FARP1: variants seen among roughly 807,000 people sequenced by gnomAD.
FARP1 encodes FERM, ARH/RhoGEF and pleckstrin domain protein 1.
FARP1 carries 52 observed loss-of-function variants against 128.8 expected under a neutral mutation model. That is an observed-to-expected ratio of 0.40 (90% CI 0.32 to 0.51). The LOEUF is 0.51. FARP1 is among the 20% of genes least tolerant of loss of function. The pLI is 0.45. For synonymous variants in FARP1, 580 were observed against 551.8 expected (o/e 1.05, Z -0.72); for missense variants, 1,333 against 1,367.9 (o/e 0.97, Z 0.40).
chr13:98,330,448 A>T (rs1288650350), intron 2 of FARP1, among the ~76,000 whole-genome samples: 1 of 152,102 alleles, frequency 6.6e-6, no homozygotes, highest in Non-Finnish European at 1.5e-5. Context: ...AGGCAGAGAA[A>T]TTCAAGGAAA....
intron 1 of FARP1, among the ~76,000 whole-genome samples, chr13:98,149,851 C>T (rs1875857626): frequency 6.7e-6 from 1 of 148,362 alleles, no homozygotes; most frequent in Admixed American, 6.9e-5. Context: ...CATTCTCCTG[C>T]CTCAGCCTCC....
chr13:98,210,952 C>T (rs1193978806), intron 1 of FARP1, among the ~76,000 whole-genome samples: 1 of 152,196 alleles, frequency 6.6e-6, no homozygotes, highest in Non-Finnish European at 1.5e-5. Context: ...ATTTCCATTG[C>T]TGCTGTCCAG....
rs150121211 is a variant in FARP1, at chr13:98,218,627, A to T, written c.171+5214A>T. ...GTACCGTGTGTCTACTGTTAAAGAA[A>T]GCTATGTGATGAGAGTGAAGAAGCA... On this transcript the variant is annotated intron_variant, in intron 2 of 26. Transcript: ENST00000319562. Among the ~76,000 whole-genome samples the T allele has an allele frequency of 4.6e-4, 70 of 152,272 alleles. 1 individual carries two copies. The highest frequency in any genetic ancestry group is 1.5e-3 in the African/African-American group (61 of 41,566).
At position 98,440,843 on chromosome 13, in the gene FARP1, AG is replaced by A; in HGVS notation, c.2796+11del. The A allele has an allele frequency of 6.3e-7, 1 of 1,593,026 alleles. No individual in the cohort carries two copies. Among genetic ancestry groups the A allele is most frequent in the Non-Finnish European group, 8.5e-7 (1 of 1,171,414 alleles). ...CTTCAGCATCGCAGTGGAGGTACGCAGGGGCAGGGCAGCTCTGGTTCCCAGC... is the reference window on the plus strand; with the variant it reads ...CTTCAGCATCGCAGTGGAGGTACGCAGGGCAGGGCAGCTCTGGTTCCCAGC... On this transcript the variant is annotated splice_region_variant and intron_variant, in intron 24 of 26. Transcript: ENST00000319562.
In FARP1 at chr13:98,378,898, TATATATATATA is replaced by T. The variant is rs891210878; in HGVS notation, c.496+999_496+1009del. On this transcript the variant is annotated intron_variant, in intron 6 of 26. Coordinates refer to ENST00000319562, the MANE Select transcript of FARP1 (RefSeq NM_005766.4). ...AGCCTGACCATGTGCCAGCACTATA[TATATATATATA>T]ATATATATATAATATATACAATATA... Among the ~76,000 whole-genome samples, 18 of 113,556 alleles carry T rather than the reference TATATATATATA, an allele frequency of 1.6e-4. 3 individuals are homozygous for T. The highest frequency in any genetic ancestry group is 4.9e-4 in the African/African-American group (14 of 28,762). The allele number at this position is 113,556 out of a possible 152,430, so 74.5% of individuals were successfully genotyped here.
In FARP1 at chr13:98,440,847, G is replaced by T. The variant is rs569580199; in HGVS notation, c.2796+11G>T. On this transcript the variant is annotated intron_variant, in intron 24 of 26. Transcript: ENST00000319562. ...AGCATCGCAGTGGAGGTACGCAGGGGCAGGGCAGCTCTGGTTCCCAGCTTG... is the reference window on the plus strand; with the variant it reads ...AGCATCGCAGTGGAGGTACGCAGGGTCAGGGCAGCTCTGGTTCCCAGCTTG... The T allele has an allele frequency of 2.5e-5, 39 of 1,586,878 alleles. No homozygotes were observed. In the South Asian group the frequency reaches 4.3e-4, roughly 18 times the overall value.
At chr13:98,437,852 A>T in intron 19 of FARP1, 1 of 1,595,944 alleles carries the variant, frequency 6.3e-7, no homozygotes, top group Non-Finnish European at 8.5e-7. Flanking sequence ...CATTGTTATT[A>T]GTAAAGGTGA....
At chr13:98,249,119 G>A (rs538918738) in intron 2 of FARP1, among the ~76,000 whole-genome samples, 1 of 152,204 alleles carries the variant, frequency 6.6e-6, no homozygotes, top group South Asian at 2.1e-4. Flanking sequence ...TCTCCTAGAC[G>A]CAACAGTTCA....
At chr13:98,257,398 G>T (rs1405990483) in intron 2 of FARP1, among the ~76,000 whole-genome samples, 1 of 152,130 alleles carries the variant, frequency 6.6e-6, no homozygotes, top group Non-Finnish European at 1.5e-5. Flanking sequence ...TTCCTCGTCT[G>T]TTTTGTTACC....
At chr13:98,393,553 C>A in intron 11 of FARP1, 90 bp from the exon 12 acceptor site, 1 of 995,380 alleles carries the variant, frequency 1.0e-6, no homozygotes, top group Non-Finnish European at 1.6e-6. Flanking sequence ...ACTAATACGT[C>A]CAACAAAAGG....
In FARP1 at chr13:98,448,307, T is replaced by G. The variant is rs767317332; in HGVS notation, c.3128T>G (p.Leu1043Arg). 1.9e-6 allele frequency: 3 copies of G among 1,613,186 alleles called. No homozygotes were observed. In the South Asian group the frequency reaches 3.3e-5, roughly 18 times the overall value. Reference protein sequence around the residue: ...RPHVLSHKESLVY With the variant: ...RPHVLSHKESRVY ...CACGTGTTGAGTCACAAAGAGTCTC[T>G]TGTGTATTGATGGCCGGACACACTC... Residue 1043 changes from leucine (L) to arginine (R), a missense_variant, in exon 27 of 27, where the codon CTT becomes CGT. Coordinates refer to ENST00000319562, the MANE Select transcript of FARP1 (RefSeq NM_005766.4).
intron 13 of FARP1, chr13:98,402,996 G>A (rs1890833047): frequency 1.3e-5 from 2 of 151,894 alleles, no homozygotes; most frequent in Admixed American, 6.6e-5. Context: ...TACCTATCTA[G>A]GAGAAAACGC....
At chr13:98,202,818 C>T (rs183522772) in intron 1 of FARP1, among the ~76,000 whole-genome samples, 172 of 152,116 alleles carry the variant, frequency 1.1e-3, no homozygotes, top group African/African-American at 3.9e-3. Context: ...TTTCTGGTCT[C>T]AAGTGATCCT....
At chr13:98,239,036 T>TG (rs1362833996) in intron 2 of FARP1, among the ~76,000 whole-genome samples, 1 of 152,184 alleles carries the variant, frequency 6.6e-6, no homozygotes, top group African/African-American at 2.4e-5. Flanking sequence ...GTGGTATGGA[T>TG]GGGGTCTTAC....
intron 13 of FARP1, chr13:98,400,444 C>T (rs767189003): frequency 2.0e-5 from 3 of 152,214 alleles, no homozygotes; most frequent in South Asian, 2.1e-4. Context: ...AATCAGTATT[C>T]GCATGCTTTC....
At chr13:98,320,113 C>T (rs910328266) in intron 2 of FARP1, among the ~76,000 whole-genome samples, 1 of 152,146 alleles carries the variant, frequency 6.6e-6, no homozygotes, top group East Asian at 1.9e-4. Flanking sequence ...CGGTGCCTGC[C>T]GTCTTCCCTT....
chr13:98,154,872 G>A (rs1876388872), intron 1 of FARP1, among the ~76,000 whole-genome samples: 1 of 152,146 alleles, frequency 6.6e-6, no homozygotes, highest in South Asian at 2.1e-4. Flanking sequence ...GAGGACTTTG[G>A]AAATGGCTTC....
intron 4 of FARP1, 53 bp from the exon 5 acceptor site, chr13:98,368,064 C>A: frequency 7.2e-7 from 1 of 1,384,304 alleles, no homozygotes; most frequent in Non-Finnish European, 1.0e-6. Flanking sequence ...TCTTTAATGG[C>A]ATTTGAAACA....
chr13:98,347,726 A>G (rs1466676525), intron 3 of FARP1, among the ~76,000 whole-genome samples: 1 of 152,088 alleles, frequency 6.6e-6, no homozygotes. Flanking sequence ...ATTATTTTTT[A>G]ATATCACCAT....
Sources: gnomAD v4.1 joint callset for allele counts (sites outside exome capture counted in the v4.1 genomes callset) on GRCh38, gnomAD v4.1.1 for gene constraint, MANE v1.5 for transcripts, NCBI Gene and HGNC (gene_info 2026-07-23, HGNC 2026-07-21) for gene names.